Variants in POGZ observed in about 807,000 individuals in gnomAD.
The protein encoded by POGZ is pogo transposable element with ZNF domain.
Under a neutral mutation model 134.6 loss-of-function variants are expected in POGZ, and 17 were observed. The ratio of observed to expected loss-of-function variants is 0.13; its 90% confidence interval spans 0.09 to 0.19. The LOEUF is 0.19. Ranked by LOEUF, POGZ falls within the 10% of genes least tolerant of loss-of-function variation. The pLI, the probability that POGZ is intolerant of heterozygous loss-of-function variation, is 1.00. For missense variants in POGZ, 1,306 were observed against 1,769.7 expected (o/e 0.74, Z 4.70); for synonymous variants, 693 against 657.1 (o/e 1.05, Z -0.84).
At chr1:151,407,399 C>T in intron 15 of POGZ, 108 bp from the exon 16 acceptor site, 1 of 729,858 alleles carries the variant, frequency 1.4e-6, no homozygotes, top group South Asian at 1.8e-5. Flanking sequence ...TTCAGTGCAC[C>T]CTAATCTCAA....
chr1:151,458,145 C>G (rs959771011), intron 1 of POGZ, among the ~76,000 whole-genome samples: 1 of 152,034 alleles, frequency 6.6e-6, no homozygotes, highest in African/African-American at 2.4e-5. Flanking sequence ...CTAAGAATGT[C>G]TAAGACAAGT....
intron 15 of POGZ, 83 bp from the exon 16 acceptor site, chr1:151,407,374 C>A (rs537265456): frequency 1.6e-5 from 14 of 882,992 alleles, no homozygotes; most frequent in East Asian, 4.9e-5. Context: ...ATGCCCCCAA[C>A]AAAAGAGACA....
chr1:151,425,127 T>C, intron 7 of POGZ, 66 bp from the exon 8 acceptor site: 2 of 834,968 alleles, frequency 2.4e-6, no homozygotes, highest in South Asian at 1.4e-5. Flanking sequence ...ACTGACCTTT[T>C]GGGAAAAAGT....
chr1:151,422,882 G>A (rs181042405), intron 10 of POGZ, among the ~76,000 whole-genome samples: 116 of 152,176 alleles, frequency 7.6e-4, no homozygotes, highest in African/African-American at 2.6e-3. Flanking sequence ...GTGAGCCACC[G>A]TGCCCGGCCA....
chr1:151,407,368 C>A, intron 15 of POGZ, 77 bp from the exon 16 acceptor site: 1 of 966,840 alleles, frequency 1.0e-6, no homozygotes, highest in Non-Finnish European at 1.6e-6. Flanking sequence ...GTGACAATGC[C>A]CCCAACAAAA....
intron 7 of POGZ, among the ~76,000 whole-genome samples, chr1:151,425,981 G>C (rs1446455482): frequency 6.6e-6 from 1 of 152,150 alleles, no homozygotes; most frequent in Non-Finnish European, 1.5e-5. Context: ...CAGTGCGTAA[G>C]GGTTCTGCTT....
intron 1 of POGZ, among the ~76,000 whole-genome samples, chr1:151,444,793 G>C (rs1661035265): frequency 6.6e-6 from 1 of 152,014 alleles, no homozygotes; most frequent in African/African-American, 2.4e-5. Context: ...TCTTCCATTT[G>C]ACCTTCTGAG....
intron 1 of POGZ, among the ~76,000 whole-genome samples, chr1:151,452,005 G>A (rs894390609): frequency 5.3e-5 from 8 of 150,138 alleles, no homozygotes; most frequent in African/African-American, 1.7e-4. Context: ...GCTGAGACAG[G>A]AGAATTGCTT....
At chr1:151,411,971 G>A (rs1162985348) in intron 11 of POGZ, among the ~76,000 whole-genome samples, 200 bp from the exon 12 acceptor site, 3 of 152,128 alleles carry the variant, frequency 2.0e-5, no homozygotes, top group Non-Finnish European at 2.9e-5. Context: ...AATAGGAAGG[G>A]ACAGAAAGTC....
chr1:151,428,741 T>G (rs772937107), intron 5 of POGZ, among the ~76,000 whole-genome samples: 1 of 152,184 alleles, frequency 6.6e-6, no homozygotes, highest in South Asian at 2.1e-4. Flanking sequence ...TGGGTGTATA[T>G]AGGCCAAATG....
intron 12 of POGZ, among the ~76,000 whole-genome samples, chr1:151,410,418 G>T (rs1379545052): frequency 6.6e-6 from 1 of 152,034 alleles, no homozygotes; most frequent in Non-Finnish European, 1.5e-5. Context: ...TCTCTATGTT[G>T]CTTGACACCT....
At chr1:151,436,455 T>C (rs1185933005) in intron 3 of POGZ, among the ~76,000 whole-genome samples, 5 of 152,024 alleles carry the variant, frequency 3.3e-5, no homozygotes, top group Non-Finnish European at 5.9e-5. Context: ...TTTCTTTCTT[T>C]TTTTTGAGAC....
chr1:151,454,794 C>T lies in POGZ; in HGVS notation c.-2+4358G>A, dbSNP rs543057053. 2.6e-5 allele frequency among the ~76,000 whole-genome samples: 4 copies of T among 152,308 alleles called. No individual in the cohort carries two copies. In the South Asian group the frequency reaches 8.3e-4, roughly 32 times the overall value. On this transcript the variant is annotated intron_variant, in intron 1 of 18. Coordinates refer to ENST00000271715, the MANE Select transcript of POGZ (RefSeq NM_015100.4). ...TAGGTTAGTGTCTCTTTTCTGCTCT[C>T]CTCCCCTTGGTTACATATAAAAATA...
chr1:151,453,169 C>A (rs1410809154), intron 1 of POGZ, among the ~76,000 whole-genome samples: 3 of 151,994 alleles, frequency 2.0e-5, no homozygotes, highest in Non-Finnish European at 2.9e-5. Flanking sequence ...ATCCGCCCAT[C>A]TTGGCCTCCC....
intron 12 of POGZ, among the ~76,000 whole-genome samples, chr1:151,410,210 T>C (rs1654426143): frequency 6.6e-6 from 1 of 152,186 alleles, no homozygotes; most frequent in African/African-American, 2.4e-5. Context: ...ATAAAAGCAA[T>C]AAAAAACTCT....
chr1:151,444,157 A>G (rs1357395557), intron 1 of POGZ, among the ~76,000 whole-genome samples: 1 of 152,156 alleles, frequency 6.6e-6, no homozygotes, highest in Non-Finnish European at 1.5e-5. Context: ...CTGGTCTTTA[A>G]TCTTCTATTT....
chr1:151,406,750 C>T (rs1653722233), intron 17 of POGZ, 119 bp from the exon 18 acceptor site: 1 of 1,047,798 alleles, frequency 9.5e-7, no homozygotes, highest in Non-Finnish European at 1.4e-6. Context: ...ACCAGCTTTC[C>T]CAGTTTTATA....
At chr1:151,445,346 AC>A (rs1661112598) in intron 1 of POGZ, among the ~76,000 whole-genome samples, 1 of 151,806 alleles carries the variant, frequency 6.6e-6, no homozygotes, top group Non-Finnish European at 1.5e-5. Flanking sequence ...ACATGGTGAA[AC>A]CCCACCTCTA....
chr1:151,423,148 T>C (rs1657220475), intron 10 of POGZ, among the ~76,000 whole-genome samples: 1 of 152,164 alleles, frequency 6.6e-6, no homozygotes, highest in African/African-American at 2.4e-5. Context: ...TTTTCTACAG[T>C]GGTTCTGAAT....
Sources: gnomAD v4.1 joint callset for allele counts (sites outside exome capture counted in the v4.1 genomes callset) on GRCh38, gnomAD v4.1.1 for gene constraint, MANE v1.5 for transcripts, NCBI Gene and HGNC (gene_info 2026-07-23, HGNC 2026-07-21) for gene names.